Variants in GRK5 observed in about 807,000 individuals in gnomAD.
The protein encoded by GRK5 is g protein-coupled receptor kinase GRK5.
Under a neutral mutation model 78.4 loss-of-function variants are expected in GRK5, and 40 were observed. The observed-to-expected ratio is 0.51, with a 90% CI of 0.40 to 0.66. GRK5 has a LOEUF of 0.66. Ranked by LOEUF, GRK5 falls within the 30% of genes least tolerant of loss-of-function variation. GRK5 has a pLI of 0.00. For synonymous variants in GRK5, 289 were observed against 296.8 expected, an observed-to-expected ratio of 0.97 and a Z score of 0.27; for missense variants, 598 against 759.9, an observed-to-expected ratio of 0.79 and a Z score of 2.50.
At chr10:119,286,891 C>G (rs950976882) in intron 1 of GRK5, among the ~76,000 whole-genome samples, 4 of 152,122 alleles carry the variant, frequency 2.6e-5, no homozygotes, top group African/African-American at 7.2e-5. Flanking sequence ...TTTTCTTGTC[C>G]GTAAGATGGC....
chr10:119,375,894 C>T (rs1851613792), intron 2 of GRK5, among the ~76,000 whole-genome samples: 1 of 152,238 alleles, frequency 6.6e-6, no homozygotes, highest in Admixed American at 6.5e-5. Context: ...GGGGCCTGAG[C>T]CCACAGGCCA....
At chr10:119,265,531 G>A (rs571058565) in intron 1 of GRK5, among the ~76,000 whole-genome samples, 2 of 152,200 alleles carry the variant, frequency 1.3e-5, no homozygotes, top group Admixed American at 6.5e-5. Context: ...ACCACATGAG[G>A]ACGCAGTAAG....
At chr10:119,347,179 C>T (rs1009691071) in intron 2 of GRK5, among the ~76,000 whole-genome samples, 4 of 152,144 alleles carry the variant, frequency 2.6e-5, no homozygotes, top group African/African-American at 4.8e-5. Context: ...ACAGATTGTC[C>T]TCAGCCAGGC....
At position 119,377,220 on chromosome 10, in the gene GRK5, G is replaced by A. The variant is rs138448039; in HGVS notation, c.149-3595G>A. Reference sequence around the variant, plus strand: ...TGCCAGCTTCTGTTGAAACAGATCCGAAAGGGTCCACTCCAAGCATGTATC... The same window carrying A: ...TGCCAGCTTCTGTTGAAACAGATCCAAAAGGGTCCACTCCAAGCATGTATC... On this transcript the variant is annotated intron_variant, in intron 2 of 15. Transcript: ENST00000392870. Among the ~76,000 whole-genome samples the A allele has an allele frequency of 1.5e-4, 23 of 152,290 alleles. No homozygotes were observed. The East Asian group carries it at 3.5e-3, about 23-fold the overall frequency.
chr10:119,357,126 C>CT (rs1475223057), intron 2 of GRK5, among the ~76,000 whole-genome samples: 1 of 152,260 alleles, frequency 6.6e-6, no homozygotes, highest in African/African-American at 2.4e-5. Flanking sequence ...TGCCAGATGC[C>CT]TTGCCCTATC....
chr10:119,446,692 G>T (rs538936003), intron 12 of GRK5, among the ~76,000 whole-genome samples: 3 of 152,196 alleles, frequency 2.0e-5, no homozygotes, highest in Non-Finnish European at 4.4e-5. Context: ...CCGTGGGGGC[G>T]TTAAGGGGCA....
intron 1 of GRK5, among the ~76,000 whole-genome samples, chr10:119,294,540 C>T (rs1269166635): frequency 2.6e-5 from 4 of 152,278 alleles, no homozygotes; most frequent in African/African-American, 9.6e-5. Context: ...CCAAGACTCA[C>T]CCCAGGCACA....
chr10:119,438,069 A>G (rs1852958751), intron 9 of GRK5, among the ~76,000 whole-genome samples: 1 of 152,270 alleles, frequency 6.6e-6, no homozygotes, highest in Non-Finnish European at 1.5e-5. Context: ...AGCCTGGGCA[A>G]CAGAGTGAGA....
intron 2 of GRK5, among the ~76,000 whole-genome samples, chr10:119,339,617 G>C (rs182763317): frequency 2.6e-4 from 39 of 152,292 alleles, no homozygotes; most frequent in African/African-American, 8.7e-4. Context: ...AAACTAGCTA[G>C]GCTCGGTGGC....
rs1235580720 is a variant in GRK5, at chr10:119,210,234, G to A, written c.52+2265G>A. 7.9e-5 allele frequency among the ~76,000 whole-genome samples: 12 copies of A among 152,306 alleles called. No homozygotes were observed. In the South Asian group the frequency reaches 2.5e-3, roughly 32 times the overall value. ...GAAAATAGCTCTTGATGATGCCTTG[G>A]AAATGGAGAGGGCCTGCGGAAGCAG... On this transcript the variant is annotated intron_variant, in intron 1 of 15. Coordinates refer to ENST00000392870, the MANE Select transcript of GRK5 (RefSeq NM_005308.3).
chr10:119,311,380 A>C (rs1278752488), intron 1 of GRK5, among the ~76,000 whole-genome samples: 1 of 152,162 alleles, frequency 6.6e-6, no homozygotes, highest in African/African-American at 2.4e-5. Flanking sequence ...AAGGCCACGC[A>C]GAACGCTTGC....
chr10:119,235,185 T>C (rs1301580052), intron 1 of GRK5, among the ~76,000 whole-genome samples: 2 of 151,758 alleles, frequency 1.3e-5, no homozygotes, highest in Admixed American at 1.3e-4. Flanking sequence ...GGTTTCACCA[T>C]GTTGCCCAGG....
At chr10:119,266,006 A>G (rs1849490015) in intron 1 of GRK5, among the ~76,000 whole-genome samples, 1 of 152,110 alleles carries the variant, frequency 6.6e-6, no homozygotes, top group Non-Finnish European at 1.5e-5. Context: ...GAGGACCCCC[A>G]TCCCTTCAGC....
At chr10:119,341,782 C>T (rs1020183929) in intron 2 of GRK5, among the ~76,000 whole-genome samples, 9 of 152,176 alleles carry the variant, frequency 5.9e-5, no homozygotes, top group East Asian at 3.9e-4. Context: ...GAAAAACACT[C>T]AATCTTCCCA....
In GRK5 at chr10:119,442,104, C is replaced by T. The variant is rs2275043; in HGVS notation, c.1057+16C>T. Reference sequence around the variant, plus strand: ...GGCTACATGGGTGAGTGCTGGGCTGCCTGTGTCAATGCACCTTGAGACCCA... The same window carrying T: ...GGCTACATGGGTGAGTGCTGGGCTGTCTGTGTCAATGCACCTTGAGACCCA... On this transcript the variant is annotated intron_variant, in intron 11 of 15. Coordinates refer to ENST00000392870, the MANE Select transcript of GRK5 (RefSeq NM_005308.3). The T allele has an allele frequency of 0.15, 233,948 of 1,607,650 alleles. 19,232 individuals carry two copies. Among genetic ancestry groups the T allele is most frequent in the African/African-American group, 0.32 (23,890 of 74,862 alleles).
intron 1 of GRK5, among the ~76,000 whole-genome samples, chr10:119,315,344 C>T (rs182822070): frequency 4.5e-4 from 69 of 152,314 alleles, no homozygotes; most frequent in African/African-American, 1.3e-3. Context: ...TCGCCTTGTT[C>T]GGGCCTGGAT....
At chr10:119,222,262 A>G (rs7092657) in intron 1 of GRK5, among the ~76,000 whole-genome samples, 17,291 of 152,080 alleles carry the variant, frequency 0.11, 3,318 homozygotes, top group African/African-American at 0.4. Flanking sequence ...GTTTCATTGT[A>G]CATTGTACAA....
rs1365335286 is a variant in GRK5, at chr10:119,267,665, G to C, written c.53-58851G>C. 6.6e-6 allele frequency among the ~76,000 whole-genome samples: 1 copy of C among 152,206 alleles called. No individual in the cohort carries two copies. The highest frequency in any genetic ancestry group is 6.5e-5 in the Admixed American group (1 of 15,286). On this transcript the variant is annotated intron_variant, in intron 1 of 15. Coordinates refer to ENST00000392870, the MANE Select transcript of GRK5 (RefSeq NM_005308.3). This position sits in a 1 kb window ranked among gnomAD's most constrained non-coding sequence, Gnocchi z 4.1. ...TTAGGTTCTATAGCAAGGAGGTCCA[G>C]CACCGCTCGTGGACCCAAACTGTCC...
chr10:119,267,253 A>G lies in GRK5; in HGVS notation c.53-59263A>G, dbSNP rs1307202485. Among the ~76,000 whole-genome samples the G allele has an allele frequency of 6.6e-6, 1 of 151,940 alleles. No individual in the cohort carries two copies. The highest frequency in any genetic ancestry group is 1.5e-5 in the Non-Finnish European group (1 of 67,986). ...AGCGAAACTCTGTCTCAAAAAAAAA[A>G]AATTCTTTTTGCAGTGACAGGGTCT... On this transcript the variant is annotated intron_variant, in intron 1 of 15. Transcript: ENST00000392870. This position sits in a 1 kb window ranked among gnomAD's most constrained non-coding sequence, Gnocchi z 4.1.
Sources: allele counts gnomAD v4.1 joint callset (sites outside exome capture counted in the v4.1 genomes callset), GRCh38; gene constraint gnomAD v4.1.1; non-coding constraint Gnocchi (gnomAD v3.1); transcripts MANE v1.5; gene names NCBI Gene and HGNC (gene_info 2026-07-23, HGNC 2026-07-21).